MAPK8: variants seen among roughly 807,000 people sequenced by gnomAD.
The protein encoded by MAPK8 is JUN N-terminal kinase.
In MAPK8, 13 loss-of-function variants were observed where a neutral mutation model predicts 52.9. The observed-to-expected ratio is 0.25, with a 90% CI of 0.16 to 0.39. MAPK8 has a LOEUF of 0.39. Among genes scored for constraint, MAPK8 ranks in the 10% least tolerant of loss-of-function variants. The pLI is 1.00. For missense variants in MAPK8, 300 were observed against 519.2 expected, an observed-to-expected ratio of 0.58 and a Z score of 4.10; for synonymous variants, 191 against 169.8, an observed-to-expected ratio of 1.12 and a Z score of -0.97.
intron 1 of MAPK8, among the ~76,000 whole-genome samples, chr10:48,315,464 A>G (rs1423918562): frequency 1.3e-5 from 2 of 152,216 alleles, no homozygotes; most frequent in Non-Finnish European, 2.9e-5. Context: ...GTATTTATAG[A>G]ATAAGTGACA....
At position 48,438,720 on chromosome 10, in the gene MAPK8, C is replaced by G. The variant is rs934765362; in HGVS notation, c.*3691C>G. ...ATTATAAATGTGTGTTAAATACTTT[C>G]TAGCCAATGTTGACACAATACCAGT... On this transcript the variant is annotated 3_prime_UTR_variant, in exon 12 of 12. Coordinates refer to ENST00000374189, the MANE Select transcript of MAPK8 (RefSeq NM_001323329.2). The G allele has an allele frequency of 1.1e-4, 16 of 152,206 alleles. No homozygotes were observed. The highest frequency in any genetic ancestry group is 8.5e-4 in the Admixed American group (13 of 15,280). The allele number at this position is 152,206 out of a possible 1,614,324, so 9.4% of individuals were successfully genotyped here. A position where few individuals can be genotyped will look rare whatever the true frequency, so the allele number is the denominator to read the frequency against.
At chr10:48,424,373 C>A in intron 7 of MAPK8, 2 of 645,068 alleles carry the variant, frequency 3.1e-6, no homozygotes, top group Non-Finnish European at 5.3e-6. Flanking sequence ...GTAGTCAGAG[C>A]ACATTCACTG....
chr10:48,429,482 A>G (rs903371519), intron 10 of MAPK8, among the ~76,000 whole-genome samples: 1 of 152,240 alleles, frequency 6.6e-6, no homozygotes, highest in African/African-American at 2.4e-5. Context: ...GTTTTAGCGC[A>G]TAGCAGAAAG....
rs1467973789 is a variant in MAPK8 at position 48,306,735 on chromosome 10, A to G, written c.-136A>G. 1 of 151,240 alleles carries G rather than the reference A, an allele frequency of 6.6e-6. No individual in the cohort carries two copies. Among genetic ancestry groups the G allele is most frequent in the Non-Finnish European group, 1.5e-5 (1 of 67,700 alleles). 9.4% of individuals were successfully genotyped at this position (151,240 alleles called of 1,614,324 possible). ...CGGCTTGGATTGCGGAGCCGCGAGC[A>G]GCGCTGGGTAACGGCCGCGGCGACC... On this transcript the variant is annotated 5_prime_UTR_variant, in exon 1 of 12. Transcript: ENST00000374189.
At chr10:48,326,305 T>C (rs1343512098) in intron 1 of MAPK8, among the ~76,000 whole-genome samples, 1 of 152,258 alleles carries the variant, frequency 6.6e-6, no homozygotes, top group Non-Finnish European at 1.5e-5. Flanking sequence ...AATACTTAAT[T>C]TTGCTACACA....
intron 1 of MAPK8, among the ~76,000 whole-genome samples, chr10:48,371,730 C>T (rs894012821): frequency 1.3e-5 from 2 of 152,130 alleles, no homozygotes; most frequent in Admixed American, 1.3e-4. Flanking sequence ...CTCAGTCCCA[C>T]AACACTGCCC....
At chr10:48,414,823 C>G (rs961866633) in intron 5 of MAPK8, among the ~76,000 whole-genome samples, 2 of 152,036 alleles carry the variant, frequency 1.3e-5, no homozygotes, top group African/African-American at 2.4e-5. Context: ...TTCAAGCAAT[C>G]CAGCTGCCTT....
intron 1 of MAPK8, among the ~76,000 whole-genome samples, chr10:48,346,565 C>T (rs10745270): frequency 0.5 from 76,441 of 151,884 alleles, 19,854 homozygotes; most frequent in Middle Eastern, 0.72. Flanking sequence ...GAGGGTCTCC[C>T]TTTCCCCGGG....
chr10:48,432,033 C>G (rs1473293552), intron 11 of MAPK8, among the ~76,000 whole-genome samples: 2 of 152,146 alleles, frequency 1.3e-5, no homozygotes, highest in Non-Finnish European at 2.9e-5. Flanking sequence ...TGAACTAATA[C>G]AGTAACTTCA....
At chr10:48,404,292 GACTACAGGTGTGC>G (rs1377004567) in intron 2 of MAPK8, among the ~76,000 whole-genome samples, 1 of 151,748 alleles carries the variant, frequency 6.6e-6, no homozygotes, top group East Asian at 1.9e-4. Context: ...AAGTAGCTGG[GACTACAGGTGTGC>G]ACCATCACAC....
intron 1 of MAPK8, among the ~76,000 whole-genome samples, chr10:48,346,022 T>C (rs1008930629): frequency 2.6e-5 from 4 of 152,168 alleles, no homozygotes; most frequent in African/African-American, 9.7e-5. Flanking sequence ...AGAGCCAATA[T>C]GGGAAGCAGT....
Position 48,435,322 on chromosome 10 carries a change from A to G in MAPK8, c.*293A>G. On this transcript the variant is annotated 3_prime_UTR_variant, in exon 12 of 12. Transcript: ENST00000374189. ...ATTTTTTGCATATTTGCTTTATCTT[A>G]TGCTGCTGATTTTTTTAACTGAATT... is the stretch of plus-strand genomic sequence containing the variant. 1 of 268,874 alleles carries G rather than the reference A, an allele frequency of 3.7e-6. No homozygotes were observed. The highest frequency in any genetic ancestry group is 1.0e-3 in the Middle Eastern group (1 of 954). 16.7% of individuals were successfully genotyped at this position (268,874 alleles called of 1,614,324 possible). A position where few individuals can be genotyped will look rare whatever the true frequency, so the allele number is the denominator to read the frequency against.
chr10:48,412,129 A>T, intron 5 of MAPK8, among the ~76,000 whole-genome samples: 1 of 152,210 alleles, frequency 6.6e-6, no homozygotes. Flanking sequence ...TACAGGCGTG[A>T]ACCACCCCAC....
chr10:48,367,585 A>C (rs1337844443), intron 1 of MAPK8, among the ~76,000 whole-genome samples: 1 of 152,126 alleles, frequency 6.6e-6, no homozygotes, highest in East Asian at 1.9e-4. Context: ...ATTATTATGA[A>C]AAGTATTTGT....
At chr10:48,340,676 G>A (rs1400611507) in intron 1 of MAPK8, among the ~76,000 whole-genome samples, 1 of 152,206 alleles carries the variant, frequency 6.6e-6, no homozygotes, top group African/African-American at 2.4e-5. Flanking sequence ...ATAAGTTCTA[G>A]GAATTGTTCA....
At chr10:48,332,229 C>T (rs1387293038) in intron 1 of MAPK8, among the ~76,000 whole-genome samples, 2 of 152,224 alleles carry the variant, frequency 1.3e-5, no homozygotes, top group Non-Finnish European at 2.9e-5. Flanking sequence ...CTCCTTTGGG[C>T]ATTTCTGTGA....
chr10:48,345,945 A>C (rs72794355), intron 1 of MAPK8, among the ~76,000 whole-genome samples: 14,093 of 152,292 alleles, frequency 0.093, 704 homozygotes, highest in Non-Finnish European at 0.11. Flanking sequence ...GCAAAGACCA[A>C]GTGAGGACCT....
At chr10:48,358,042 C>G (rs939960258) in intron 1 of MAPK8, among the ~76,000 whole-genome samples, 8 of 152,194 alleles carry the variant, frequency 5.3e-5, no homozygotes. Context: ...CTATCTACCA[C>G]ATTTTGTTTA....
chr10:48,434,276 C>T (rs1260386143), intron 11 of MAPK8, among the ~76,000 whole-genome samples: 2 of 152,180 alleles, frequency 1.3e-5, no homozygotes, highest in Admixed American at 6.5e-5. Flanking sequence ...GTGACAGTGG[C>T]ATGTCCCATA....
Sources: allele counts gnomAD v4.1 joint callset (sites outside exome capture counted in the v4.1 genomes callset), GRCh38; gene constraint gnomAD v4.1.1; transcripts MANE v1.5; gene names NCBI Gene and HGNC (gene_info 2026-07-23, HGNC 2026-07-21).